The following PKD1L1 variants were observed in gnomAD, a reference collection of about 807,000 sequenced individuals.
The protein encoded by PKD1L1 is polycystin-1-like protein 1.
Under a neutral mutation model 323.4 loss-of-function variants are expected in PKD1L1, and 236 were observed. That is an observed-to-expected ratio of 0.73 (90% CI 0.66 to 0.81). PKD1L1 has a LOEUF of 0.81. PKD1L1 is among the 40% of genes least tolerant of loss of function. The pLI, the probability that PKD1L1 is intolerant of heterozygous loss-of-function variation, is 0.00. For synonymous variants in PKD1L1, 1,344 were observed against 1,335.0 expected, an observed-to-expected ratio of 1.01 and a Z score of -0.15; for missense variants, 3,320 against 3,508.0, an observed-to-expected ratio of 0.95 and a Z score of 1.35.
At chr7:47,925,628 CACGAT>C (rs1396697418) in intron 7 of PKD1L1, among the ~76,000 whole-genome samples, 1 of 152,082 alleles carries the variant, frequency 6.6e-6, no homozygotes, top group Non-Finnish European at 1.5e-5. Context: ...AGACATGCCC[CACGAT>C]ACCCTCCTCC....
chr7:47,898,524 G>A (rs556694862), intron 13 of PKD1L1, among the ~76,000 whole-genome samples: 47 of 152,018 alleles, frequency 3.1e-4, no homozygotes, highest in African/African-American at 8.4e-4. Flanking sequence ...GCTTCCAAAC[G>A]TCAAAAATAT....
chr7:47,808,457 C>A lies in PKD1L1; in HGVS notation c.7687-70G>T. 2 of 1,578,978 alleles carry A rather than the reference C, an allele frequency of 1.3e-6. 1 individual carries two copies. The highest frequency in any genetic ancestry group is 4.5e-5 in the East Asian group (2 of 44,550). On this transcript the variant is annotated intron_variant, in intron 51 of 56. Coordinates refer to ENST00000289672, the MANE Select transcript of PKD1L1 (RefSeq NM_138295.5). ...GGCTTACCTGGCACCCCATGTGACA[C>A]GCGTTTGTAAGTTACAGTCATGAGT...
intron 55 of PKD1L1, chr7:47,795,301 T>G (rs1473864430): frequency 4.4e-6 from 2 of 454,474 alleles, no homozygotes; most frequent in East Asian, 1.4e-4. Context: ...ATTCTTGTGA[T>G]AGTGAAGAAG....
intron 45 of PKD1L1, among the ~76,000 whole-genome samples, chr7:47,825,673 C>T (rs556873910): frequency 1.1e-4 from 16 of 151,828 alleles, no homozygotes; most frequent in African/African-American, 3.6e-4. Flanking sequence ...ATCCAATTTA[C>T]TTTTATTTTC....
At chr7:47,931,406 A>G (rs1787769766) in intron 5 of PKD1L1, 85 bp from the exon 6 acceptor site, 4 of 1,443,306 alleles carry the variant, frequency 2.8e-6, no homozygotes, top group Admixed American at 3.9e-5. Flanking sequence ...CAAAAAGCCA[A>G]TTTAACAAAC....
At chr7:47,834,887 AGATACAATT>A in intron 39 of PKD1L1, 71 bp downstream of exon 39, 1 of 1,189,088 alleles carries the variant, frequency 8.4e-7, no homozygotes, top group East Asian at 2.4e-5. Context: ...TGAAAACAGA[AGATACAATT>A]TCTACTTAGT....
chr7:47,907,867 T>G (rs1322055683), intron 9 of PKD1L1, among the ~76,000 whole-genome samples: 2 of 152,228 alleles, frequency 1.3e-5, no homozygotes, highest in African/African-American at 4.8e-5. Context: ...AATAGATTCC[T>G]TGAGATGAAG....
intron 42 of PKD1L1, among the ~76,000 whole-genome samples, chr7:47,830,479 C>T (rs937585285): frequency 5.9e-5 from 9 of 152,302 alleles, no homozygotes; most frequent in East Asian, 1.9e-4. Flanking sequence ...GCGGGTGCTC[C>T]GCAGGGGCAG....
At chr7:47,945,782 G>A (rs1298589884) in intron 1 of PKD1L1, among the ~76,000 whole-genome samples, 1 of 152,078 alleles carries the variant, frequency 6.6e-6, no homozygotes, top group African/African-American at 2.4e-5. Flanking sequence ...AGATAGCCCT[G>A]GCACCCACCA....
At chr7:47,907,147 T>G (rs1358840902) in intron 9 of PKD1L1, among the ~76,000 whole-genome samples, 2 of 151,306 alleles carry the variant, frequency 1.3e-5, no homozygotes, top group Non-Finnish European at 2.9e-5. Flanking sequence ...TCCATATGTA[T>G]GTCATAACTT....
chr7:47,810,929 A>T (rs1043716238), intron 50 of PKD1L1, among the ~76,000 whole-genome samples: 27 of 152,254 alleles, frequency 1.8e-4, no homozygotes, highest in African/African-American at 6.3e-4. Context: ...AATCAAGGTT[A>T]ACTGGGGCTC....
chr7:47,827,561 C>T (rs1785263741), intron 44 of PKD1L1, 93 bp from the exon 45 acceptor site: 11 of 1,036,786 alleles, frequency 1.1e-5, no homozygotes, highest in Non-Finnish European at 1.5e-5. Context: ...TGTGTCATTG[C>T]TGTGCTGTGC....
intron 54 of PKD1L1, among the ~76,000 whole-genome samples, chr7:47,798,424 C>T (rs1392708098): frequency 6.6e-6 from 1 of 152,170 alleles, no homozygotes; most frequent in South Asian, 2.1e-4. Flanking sequence ...TAGCTTAAAA[C>T]AGATGATTAA....
At chr7:47,864,651 TCCTC>T (rs1211781130) in intron 26 of PKD1L1, among the ~76,000 whole-genome samples, 2 of 143,874 alleles carry the variant, frequency 1.4e-5, no homozygotes, top group East Asian at 2.0e-4. Context: ...CTTCCTTCCT[TCCTC>T]CCTCTCTCCT....
intron 19 of PKD1L1, 137 bp downstream of exon 19, chr7:47,884,461 T>TA (rs1786636778): frequency 1.3e-6 from 1 of 764,410 alleles, no homozygotes; most frequent in East Asian, 2.7e-5. Context: ...CCGTGCCATG[T>TA]AAGAGTTCAA....
At chr7:47,797,937 A>C (rs538597018) in intron 54 of PKD1L1, among the ~76,000 whole-genome samples, 1 of 152,364 alleles carries the variant, frequency 6.6e-6, no homozygotes, top group African/African-American at 2.4e-5. Context: ...GAAAAAAATC[A>C]AAGAGTATCT....
At chr7:47,807,961 C>T (rs558104761) in intron 52 of PKD1L1, among the ~76,000 whole-genome samples, 1 of 152,284 alleles carries the variant, frequency 6.6e-6, no homozygotes, top group South Asian at 2.1e-4. Context: ...GCTGCATCAA[C>T]ACCTGCTTCC....
Position 47,854,920 on chromosome 7 carries a change from T to A in PKD1L1, c.4821A>T (p.Lys1607Asn), listed in dbSNP as rs147417448. Residue 1607 changes from lysine to asparagine, a missense_variant, in exon 30 of 57, where the codon AAA becomes AAT. By Grantham distance (94) the Lys-to-Asn change is moderately conservative. Coordinates refer to ENST00000289672, the MANE Select transcript of PKD1L1 (RefSeq NM_138295.5). Reference sequence around the variant, plus strand: ...TGACGGGAAATGCCCTTGTAACAGGTTTGGAAAATTCAATTTCTATCTGTA... The same window carrying A: ...TGACGGGAAATGCCCTTGTAACAGGATTGGAAAATTCAATTTCTATCTGTA... Reference protein sequence around the residue: ...ESLQIEIEFSKPVTRAFPVML... With the variant: ...ESLQIEIEFSNPVTRAFPVML... 5.4e-4 allele frequency: 872 copies of A among 1,614,086 alleles called. 3 individuals carry two copies. Among genetic ancestry groups the A allele is most frequent in the East Asian group, 3.1e-3 (141 of 44,878 alleles).
At chr7:47,882,912 G>A (rs1786595466) in intron 19 of PKD1L1, among the ~76,000 whole-genome samples, 1 of 152,148 alleles carries the variant, frequency 6.6e-6, no homozygotes, top group Non-Finnish European at 1.5e-5. Context: ...GAGGGCAAAG[G>A]AAGGGCTCCT....
Sources: allele counts gnomAD v4.1 joint callset (sites outside exome capture counted in the v4.1 genomes callset), GRCh38; gene constraint gnomAD v4.1.1; transcripts MANE v1.5; gene names NCBI Gene and HGNC (gene_info 2026-07-23, HGNC 2026-07-21).